GTSE1: variants seen among roughly 807,000 people sequenced by gnomAD.
The protein encoded by GTSE1 is G2 and S-phase expressed 1, also known as G2 and S phase-expressed protein 1.
In GTSE1, 52 loss-of-function variants were observed where a neutral mutation model predicts 60.5. That is an observed-to-expected ratio of 0.86 (90% CI 0.69 to 1.08). The LOEUF is 1.08. GTSE1 is among the 50% of genes least tolerant of loss of function. The pLI, the probability that GTSE1 is intolerant of heterozygous loss-of-function variation, is 0.00. For missense variants in GTSE1, 937 were observed against 961.8 expected (o/e 0.97, Z 0.34); for synonymous variants, 368 against 386.5 (o/e 0.95, Z 0.56).
chr22:46,330,485 A>G lies in GTSE1; in HGVS notation c.*355A>G, dbSNP rs926971456. 6 of 148,190 alleles carry G rather than the reference A, an allele frequency of 4.0e-5. No homozygotes were observed. Among genetic ancestry groups the G allele is most frequent in the East Asian group, 1.9e-4 (1 of 5,202 alleles). The allele number at this position is 148,190 out of a possible 1,614,324, so 9.2% of individuals were successfully genotyped here. On this transcript the variant is annotated 3_prime_UTR_variant, in exon 12 of 12. Transcript: ENST00000454366. This position sits in a 1 kb window ranked among gnomAD's most constrained non-coding sequence, Gnocchi z 6.0. ...GCACCAATGTGAGAACCTGTCTTGG[A>G]AAAAAAAAAAAAGAAACATGTTTTA...
chr22:46,301,576 C>G (rs116208707), intron 2 of GTSE1, among the ~76,000 whole-genome samples: 2,748 of 151,876 alleles, frequency 0.018, 90 homozygotes, highest in African/African-American at 0.062. Flanking sequence ...CAAACTCCCC[C>G]TCTCAGGTTC....
In GTSE1 at chr22:46,316,431, T is replaced by A; in HGVS notation, c.1432+19T>A. ...TCTATTGGTGAGTAATAGATACATT[T>A]TAATGTGTCTTTAAAAAATACTGAA... On this transcript the variant is annotated intron_variant, in intron 7 of 11. Coordinates refer to ENST00000454366, the MANE Select transcript of GTSE1 (RefSeq NM_016426.7). This position sits in a 1 kb window ranked among gnomAD's most constrained non-coding sequence, Gnocchi z 5.0. The A allele has an allele frequency of 7.4e-7, 1 of 1,349,874 alleles. No homozygotes were observed. The highest frequency in any genetic ancestry group is 1.0e-6 in the Non-Finnish European group (1 of 975,850). 83.6% of individuals were successfully genotyped at this position (1,349,874 alleles called of 1,614,324 possible).
At position 46,321,670 on chromosome 22, in the gene GTSE1, C is replaced by T. The variant is rs2077813421; in HGVS notation, c.1433-1520C>T. Among the ~76,000 whole-genome samples, 1 of 152,172 alleles carries T rather than the reference C, an allele frequency of 6.6e-6. No individual in the cohort carries two copies. Among genetic ancestry groups the T allele is most frequent in the Admixed American group, 6.5e-5 (1 of 15,286 alleles). ...GAAGGGAGACATCGCAAGAAGCTTC[C>T]AGCACGCTGGAAGCAGAGCTGGGTG... On this transcript the variant is annotated intron_variant, in intron 7 of 11. Transcript: ENST00000454366. This position sits in a 1 kb window ranked among gnomAD's most constrained non-coding sequence, Gnocchi z 4.0.
chr22:46,323,376 C>T, intron 8 of GTSE1, 114 bp downstream of exon 8: 1 of 818,702 alleles, frequency 1.2e-6, no homozygotes, highest in Non-Finnish European at 2.1e-6. Flanking sequence ...GCTTCCACGC[C>T]AGTCTCTTGG....
chr22:46,315,700 GAC>G (rs2077775109), intron 6 of GTSE1, among the ~76,000 whole-genome samples: 1 of 152,236 alleles, frequency 6.6e-6, no homozygotes, highest in Non-Finnish European at 1.5e-5. Flanking sequence ...AGACAGGTGA[GAC>G]ATGTGACTAG....
Position 46,320,789 on chromosome 22 carries a change from C to A in GTSE1, c.1433-2401C>A, listed in dbSNP as rs1222777206. 3.9e-5 allele frequency among the ~76,000 whole-genome samples: 6 copies of A among 152,116 alleles called. No homozygotes were observed. Among genetic ancestry groups the A allele is most frequent in the Admixed American group, 6.5e-5 (1 of 15,274 alleles). ...CCGGTACTGGGAGCTGCAGTGGAGA[C>A]GCGCCGTCCAGGTTTAGGGAAGAGC... On this transcript the variant is annotated intron_variant, in intron 7 of 11. Coordinates refer to ENST00000454366, the MANE Select transcript of GTSE1 (RefSeq NM_016426.7). This position sits in a 1 kb window ranked among gnomAD's most constrained non-coding sequence, Gnocchi z 7.1.
Position 46,321,227 on chromosome 22 carries a change from CAGTG to C in GTSE1, c.1433-1960_1433-1957del, listed in dbSNP as rs1422876332. ...AAAACAAACACCAGCCTGGGCGACA[CAGTG>C]AGACCCCGATTCTACAAAAACATTT... On this transcript the variant is annotated intron_variant, in intron 7 of 11. Coordinates refer to ENST00000454366, the MANE Select transcript of GTSE1 (RefSeq NM_016426.7). This position sits in a 1 kb window ranked among gnomAD's most constrained non-coding sequence, Gnocchi z 4.0. Among the ~76,000 whole-genome samples, 1 of 151,960 alleles carries C rather than the reference CAGTG, an allele frequency of 6.6e-6. No individual in the cohort carries two copies. Among genetic ancestry groups the C allele is most frequent in the Non-Finnish European group, 1.5e-5 (1 of 67,990 alleles).
chr22:46,314,674 GAGACCAGCCTGGC>G lies in GTSE1; in HGVS notation c.1051+662_1051+674del, dbSNP rs1406789592. 5.9e-5 allele frequency among the ~76,000 whole-genome samples: 9 copies of G among 151,978 alleles called. No individual in the cohort carries two copies. The highest frequency in any genetic ancestry group is 1.0e-4 in the Non-Finnish European group (7 of 67,992). On this transcript the variant is annotated intron_variant, in intron 6 of 11. Transcript: ENST00000454366. The surrounding 1 kb of genome is among the most constrained non-coding windows in gnomAD (Gnocchi z 7.1). ...GTGGATCGCTTGACCCCTGGAGTTT[GAGACCAGCCTGGC>G]CAACATGGTGAAACCCTGTCTCTAC...
intron 3 of GTSE1, 33 bp from the exon 4 acceptor site, chr22:46,308,286 G>C (rs772240859): frequency 6.2e-7 from 1 of 1,609,214 alleles, no homozygotes; most frequent in Admixed American, 1.7e-5. Flanking sequence ...CCAGTGTTAT[G>C]AGTTATTAAT....
In GTSE1 at chr22:46,319,525, G is replaced by T. The variant is rs6008671; in HGVS notation, c.1432+3113G>T. Among the ~76,000 whole-genome samples the T allele has an allele frequency of 6.6e-6, 1 of 152,102 alleles. No individual in the cohort carries two copies. Among genetic ancestry groups the T allele is most frequent in the African/African-American group, 2.4e-5 (1 of 41,388 alleles). On this transcript the variant is annotated intron_variant, in intron 7 of 11. Coordinates refer to ENST00000454366, the MANE Select transcript of GTSE1 (RefSeq NM_016426.7). This position sits in a 1 kb window ranked among gnomAD's most constrained non-coding sequence, Gnocchi z 5.0. ...GTGCTGCCACTCATGTGACAGGAGG[G>T]CTGGAAGAGGCAGCGGGCAGAGTCC...
At chr22:46,302,066 G>A (rs1366541183) in intron 2 of GTSE1, among the ~76,000 whole-genome samples, 2 of 152,006 alleles carry the variant, frequency 1.3e-5, no homozygotes, top group Admixed American at 6.5e-5. Flanking sequence ...CAGAGGTTGC[G>A]GTGAGCCAAG....
rs1467524286 is a variant in GTSE1 at position 46,320,980 on chromosome 22, AG to A, written c.1433-2208del. Among the ~76,000 whole-genome samples the A allele has an allele frequency of 4.0e-5, 6 of 151,806 alleles. No individual in the cohort carries two copies. The highest frequency in any genetic ancestry group is 3.3e-4 in the Admixed American group (5 of 15,234). On this transcript the variant is annotated intron_variant, in intron 7 of 11. Transcript: ENST00000454366. This position sits in a 1 kb window ranked among gnomAD's most constrained non-coding sequence, Gnocchi z 7.1. ...CCAGCTGAGGGAGAGGACAACCGAG[AG>A]GAAGGGGTCTCGGGAGAGAGGGAGC...
chr22:46,328,782 G>C lies in GTSE1; in HGVS notation c.1819G>C (p.Ala607Pro), dbSNP rs1298986363. 5 of 1,613,660 alleles carry C rather than the reference G, an allele frequency of 3.1e-6. No individual in the cohort carries two copies. Among genetic ancestry groups the C allele is most frequent in the Non-Finnish European group, 4.2e-6 (5 of 1,179,578 alleles). Residue 607 changes from alanine to proline, a missense_variant, in exon 10 of 12, where the codon GCA (alanine) becomes CCA (proline). Ala to Pro is a conservative substitution (Grantham distance 27). Coordinates refer to ENST00000454366, the MANE Select transcript of GTSE1 (RefSeq NM_016426.7). ...RGSPPSRVPQ[A>P]LNFSPEESDS... is the part of the protein sequence containing the mutation. ...TTCTCCTCCTTCCCGTGTGCCTCAG[G>C]CACTTAACTTTTCTCCAGAGGAAAG... is the stretch of plus-strand genomic sequence containing the variant.
intron 9 of GTSE1, chr22:46,327,028 C>T (rs1314644950): frequency 5.7e-6 from 1 of 176,162 alleles, no homozygotes; most frequent in Non-Finnish European, 1.2e-5. Flanking sequence ...CATGGCAAAA[C>T]CCCATCTCTA....
Position 46,316,344 on chromosome 22 carries a change from G to A in GTSE1, c.1364G>A (p.Cys455Tyr), listed in dbSNP as rs1260976540. Residue 455 changes from cysteine to tyrosine, a missense_variant, in exon 7 of 12, where the codon TGT (cysteine) becomes TAT (tyrosine). Physicochemically the swap from Cys to Tyr is radical, Grantham distance 194. Transcript: ENST00000454366. This position sits in a 1 kb window ranked among gnomAD's most constrained non-coding sequence, Gnocchi z 5.0. Reference sequence around the variant, plus strand: ...AGAAGTATCAGACGGCGAGATTCCTGTCTAAATTCCAAGACAAAGGTTATG... The same window carrying A: ...AGAAGTATCAGACGGCGAGATTCCTATCTAAATTCCAAGACAAAGGTTATG... ...KTRSIRRRDS[C>Y]LNSKTKVMPT... The A allele has an allele frequency of 6.2e-7, 1 of 1,612,776 alleles. No homozygotes were observed. Among genetic ancestry groups the A allele is most frequent in the Non-Finnish European group, 8.5e-7 (1 of 1,178,956 alleles).
chr22:46,313,815 C>T lies in GTSE1; in HGVS notation c.928-75C>T. On this transcript the variant is annotated intron_variant, in intron 5 of 11. Coordinates refer to ENST00000454366, the MANE Select transcript of GTSE1 (RefSeq NM_016426.7). The surrounding 1 kb of genome is among the most constrained non-coding windows in gnomAD (Gnocchi z 4.4). Reference sequence around the variant, plus strand: ...AGCCACCGTGCCCAGCCAAAAACCCCTTACTTTTGCAGACACAAGTAATAG... The same window carrying T: ...AGCCACCGTGCCCAGCCAAAAACCCTTTACTTTTGCAGACACAAGTAATAG... The T allele has an allele frequency of 1.3e-6, 2 of 1,563,728 alleles. No individual in the cohort carries two copies. The highest frequency in any genetic ancestry group is 2.3e-5 in the East Asian group (1 of 43,974).
In GTSE1 at chr22:46,326,586, C is replaced by T. The variant is rs779580003; in HGVS notation, c.1656C>T (p.Ala552=). The change falls in exon 9 of 12, where the codon GCC becomes GCT. Residue 552 remains alanine, a synonymous_variant. Transcript: ENST00000454366. ...TGACCCCCAAAACGATGCCCAGGGC[C>T]GTGGGCTCTCCCCTGTGTGTGCCAG... ...PPMTPKTMPR[A]VGSPLCVPAR... The T allele has an allele frequency of 2.5e-6, 4 of 1,614,064 alleles. No homozygotes were observed. The East Asian group carries it at 6.7e-5, about 27-fold the overall frequency.
At position 46,323,230 on chromosome 22, in the gene GTSE1, A is replaced by T. The variant is rs746937956; in HGVS notation, c.1473A>T (p.Ala491=). The T allele has an allele frequency of 6.2e-7, 1 of 1,614,072 alleles. No individual in the cohort carries two copies. Among genetic ancestry groups the T allele is most frequent in the East Asian group, 2.2e-5 (1 of 44,884 alleles). ...GCTCAACACCAAAGCTTTCGCGGGCACAGCGGCCGCAGTCGTGCACGTCAG... is the reference window on the plus strand; with the variant it reads ...GCTCAACACCAAAGCTTTCGCGGGCTCAGCGGCCGCAGTCGTGCACGTCAG... ...PDSSTPKLSR[A]QRPQSCTSVG... is the part of the protein sequence containing the mutation. The change falls in exon 8 of 12, where the codon GCA becomes GCT. Residue 491 remains alanine (A), a synonymous_variant. Transcript: ENST00000454366.
chr22:46,323,666 C>T (rs757095279), intron 8 of GTSE1, among the ~76,000 whole-genome samples: 3 of 152,150 alleles, frequency 2.0e-5, no homozygotes, highest in Non-Finnish European at 4.4e-5. Context: ...AGAGCACTGG[C>T]GTGGCACCTT....
Sources: allele counts gnomAD v4.1 joint callset (sites outside exome capture counted in the v4.1 genomes callset), GRCh38; gene constraint gnomAD v4.1.1; non-coding constraint Gnocchi (gnomAD v3.1); transcripts MANE v1.5; gene names NCBI Gene and HGNC (gene_info 2026-07-23, HGNC 2026-07-21).